The following EPM2A variants were observed in gnomAD, a reference collection of about 807,000 sequenced individuals.
The protein encoded by EPM2A is EPM2A glucan phosphatase, laforin, also known as laforin.
Under a neutral mutation model 26.5 loss-of-function variants are expected in EPM2A, and 21 were observed. That is an observed-to-expected ratio of 0.79 (90% confidence interval 0.56 to 1.14). The LOEUF (loss-of-function observed/expected upper bound fraction) is 1.14. Ranked by LOEUF, EPM2A falls within the 50% of genes most tolerant of loss-of-function variation. The pLI is 0.00. For synonymous variants in EPM2A, 217 were observed against 177.6 expected (o/e 1.22, Z -1.76); for missense variants, 458 against 440.8 (o/e 1.04, Z -0.35).
At chr6:145,438,864 A>T (rs1309789473) in intron 4 of EPM2A, among the ~76,000 whole-genome samples, 1 of 152,130 alleles carries the variant, frequency 6.6e-6, no homozygotes, top group Admixed American at 6.6e-5. Flanking sequence ...TGACTCAGGG[A>T]TCGGGTGTAC....
chr6:145,551,025 G>T (rs746441174), intron 2 of EPM2A, among the ~76,000 whole-genome samples: 1 of 151,980 alleles, frequency 6.6e-6, no homozygotes, highest in Non-Finnish European at 1.5e-5. Flanking sequence ...AAGGTCTCCT[G>T]CACAGAATTC....
intron 2 of EPM2A, among the ~76,000 whole-genome samples, chr6:145,561,270 C>A (rs1780801031): frequency 6.6e-6 from 1 of 151,806 alleles, no homozygotes; most frequent in Non-Finnish European, 1.5e-5. Flanking sequence ...ATACACTACA[C>A]CATAGAGCCT....
chr6:145,655,037 C>T (rs939496319), intron 2 of EPM2A, among the ~76,000 whole-genome samples: 2 of 152,036 alleles, frequency 1.3e-5, no homozygotes, highest in Non-Finnish European at 2.9e-5. Context: ...ATGCACGCAT[C>T]GTTTTGTTTG....
At chr6:145,614,054 G>A (rs1327838698) in intron 2 of EPM2A, among the ~76,000 whole-genome samples, 3 of 152,220 alleles carry the variant, frequency 2.0e-5, no homozygotes, top group African/African-American at 7.2e-5. Context: ...TTGAAAATCT[G>A]TTGTTTAGTG....
chr6:145,396,398 T>C (rs1778405903), intron 4 of EPM2A, among the ~76,000 whole-genome samples: 1 of 152,166 alleles, frequency 6.6e-6, no homozygotes, highest in African/African-American at 2.4e-5. Flanking sequence ...AAATTGTTCT[T>C]TAAACCCCCA....
intron 4 of EPM2A, among the ~76,000 whole-genome samples, chr6:145,405,367 G>A (rs1462760853): frequency 1.3e-5 from 2 of 151,988 alleles, no homozygotes; most frequent in Non-Finnish European, 2.9e-5. Context: ...GTGGCTGCCG[G>A]TTACGTCATA....
At chr6:145,699,780 A>G (rs1432780033) in intron 1 of EPM2A, among the ~76,000 whole-genome samples, 1 of 152,168 alleles carries the variant, frequency 6.6e-6, no homozygotes, top group Admixed American at 6.6e-5. Context: ...ATCTCTAACC[A>G]TTACTGTATT....
intron 1 of EPM2A, among the ~76,000 whole-genome samples, chr6:145,711,411 T>C (rs1775314159): frequency 6.6e-6 from 1 of 152,146 alleles, no homozygotes; most frequent in South Asian, 2.1e-4. Flanking sequence ...AAAAGGATCT[T>C]ACAGAGATTG....
At chr6:145,572,028 A>ATCTT (rs1780965549) in intron 2 of EPM2A, among the ~76,000 whole-genome samples, 1 of 152,222 alleles carries the variant, frequency 6.6e-6, no homozygotes, top group Non-Finnish European at 1.5e-5. Context: ...CAAGTCGCTG[A>ATCTT]CCATCCAGCC....
chr6:145,422,219 A>G (rs1434445359), intron 4 of EPM2A, among the ~76,000 whole-genome samples: 2 of 146,464 alleles, frequency 1.4e-5, no homozygotes, highest in East Asian at 2.0e-4. Context: ...TAGATCTCAT[A>G]CAAATCTATA....
intron 2 of EPM2A, among the ~76,000 whole-genome samples, chr6:145,513,202 TCAA>T (rs1208338016): frequency 6.6e-6 from 1 of 151,324 alleles, no homozygotes; most frequent in Non-Finnish European, 1.5e-5. Context: ...CTCAAACAAC[TCAA>T]CAAGAAAAAA....
chr6:145,643,131 T>C (rs551543190), intron 2 of EPM2A, among the ~76,000 whole-genome samples: 12 of 152,302 alleles, frequency 7.9e-5, no homozygotes, highest in Non-Finnish European at 1.3e-4. Flanking sequence ...TGCACATTAA[T>C]TGGATGCAAT....
intron 2 of EPM2A, among the ~76,000 whole-genome samples, chr6:145,509,148 C>A (rs991637879): frequency 6.6e-6 from 1 of 152,086 alleles, no homozygotes; most frequent in African/African-American, 2.4e-5. Flanking sequence ...GAAAAGTAAG[C>A]AACTTGGAAA....
intron 2 of EPM2A, among the ~76,000 whole-genome samples, chr6:145,589,883 G>A (rs1209441111): frequency 1.1e-4 from 5 of 44,398 alleles, no homozygotes; most frequent in Non-Finnish European, 1.7e-4. Flanking sequence ...GAAAAGTTCA[G>A]AGGTTAAAAA....
intron 1 of EPM2A, among the ~76,000 whole-genome samples, chr6:145,732,904 C>T (rs1188579268): frequency 1.3e-5 from 2 of 152,176 alleles, no homozygotes; most frequent in African/African-American, 2.4e-5. Context: ...ATTTATTAGG[C>T]AGCTTGGTCC....
At chr6:145,641,666 G>A (rs1353356966) in intron 2 of EPM2A, among the ~76,000 whole-genome samples, 38 of 152,126 alleles carry the variant, frequency 2.5e-4, no homozygotes, top group Admixed American at 2.5e-3. Context: ...TCATCCTGAT[G>A]TTTGGAATTC....
chr6:145,398,665 G>A (rs12208257), intron 4 of EPM2A, among the ~76,000 whole-genome samples: 16,713 of 151,882 alleles, frequency 0.11, 964 homozygotes, highest in South Asian at 0.17. Flanking sequence ...TTCAAGACCC[G>A]CCTCACCAAC....
intron 2 of EPM2A, among the ~76,000 whole-genome samples, chr6:145,564,782 GC>G (rs1780857004): frequency 7.1e-6 from 1 of 141,162 alleles, no homozygotes; most frequent in African/African-American, 2.6e-5. Flanking sequence ...GTGGGGGGGG[GC>G]AGGGGGTGTG....
At chr6:145,438,108 T>G (rs1297279297) in intron 4 of EPM2A, among the ~76,000 whole-genome samples, 57 of 152,162 alleles carry the variant, frequency 3.7e-4, no homozygotes, top group Admixed American at 3.7e-3. Context: ...CGTGTGTGTG[T>G]GGGTGGACAG....
Sources: allele counts gnomAD v4.1 joint callset (sites outside exome capture counted in the v4.1 genomes callset), GRCh38; gene constraint gnomAD v4.1.1; transcripts MANE v1.5; gene names NCBI Gene and HGNC (gene_info 2026-07-23, HGNC 2026-07-21).